Variants in TECR observed in about 807,000 individuals in gnomAD.
TECR encodes the protein trans-2,3-enoyl-CoA reductase, also known as very-long-chain enoyl-CoA reductase.
In TECR, 19 loss-of-function variants were observed where a neutral mutation model predicts 50.6. That is an observed-to-expected ratio of 0.38 (90% CI 0.26 to 0.55). The LOEUF (loss-of-function observed/expected upper bound fraction) is 0.55. TECR is among the 20% of genes least tolerant of loss of function. The probability of loss-of-function intolerance (pLI) is 0.79; values close to 1 mark genes in which losing one functional copy is unlikely to be tolerated. For synonymous variants in TECR, 168 were observed against 163.5 expected (o/e 1.03, Z -0.21); for missense variants, 313 against 408.3 (o/e 0.77, Z 2.01).
At chr19:14,553,444 C>T (rs2073609135) in intron 1 of TECR, among the ~76,000 whole-genome samples, 2 of 152,100 alleles carry the variant, frequency 1.3e-5, no homozygotes, top group Non-Finnish European at 2.9e-5. Context: ...TGTGGCGCCT[C>T]GGGGAGGCTG....
chr19:14,565,040 C>T, intron 9 of TECR, 26 bp from the exon 10 acceptor site: 5 of 1,613,880 alleles, frequency 3.1e-6, no homozygotes, highest in Non-Finnish European at 4.2e-6. Context: ...CTGGGCGGCC[C>T]TAGGCTGATC....
chr19:14,560,464 G>T (rs566608024), intron 1 of TECR, among the ~76,000 whole-genome samples: 1 of 152,324 alleles, frequency 6.6e-6, no homozygotes, highest in East Asian at 1.9e-4. Context: ...CCAGGGCCCT[G>T]CTGTGCTAAC....
intron 1 of TECR, among the ~76,000 whole-genome samples, chr19:14,552,990 G>T (rs2073589125): frequency 6.6e-6 from 1 of 152,064 alleles, no homozygotes; most frequent in Non-Finnish European, 1.5e-5. Flanking sequence ...GGCCCTGAGG[G>T]CACAACCGCA....
At chr19:14,557,328 A>C (rs944099533) in intron 1 of TECR, among the ~76,000 whole-genome samples, 2 of 150,370 alleles carry the variant, frequency 1.3e-5, no homozygotes, top group African/African-American at 4.9e-5. Flanking sequence ...TTTATTAGAG[A>C]CGGGGTTTCA....
At chr19:14,553,274 TCGGA>T (rs1329579639) in intron 1 of TECR, among the ~76,000 whole-genome samples, 1 of 152,142 alleles carries the variant, frequency 6.6e-6, no homozygotes, top group East Asian at 1.9e-4. Flanking sequence ...GGCCCTGGCC[TCGGA>T]TCCGAGAGCC....
chr19:14,553,724 G>A (rs972826078), intron 1 of TECR, among the ~76,000 whole-genome samples: 4 of 152,162 alleles, frequency 2.6e-5, no homozygotes, highest in East Asian at 1.9e-4. Context: ...TGATGGGGGC[G>A]AGGTGGCCGG....
intron 1 of TECR, 72 bp downstream of exon 1, chr19:14,529,783 G>A: frequency 1.2e-6 from 2 of 1,607,438 alleles, no homozygotes; most frequent in Non-Finnish European, 1.7e-6. Flanking sequence ...GGGACCACGG[G>A]ACCCCACTTT....
upstream of TECR, chr19:14,529,449 C>G: frequency 1.6e-6 from 1 of 635,048 alleles, no homozygotes; most frequent in Non-Finnish European, 2.9e-6. Flanking sequence ...ATTGGTCTCG[C>G]AAGTTGATTG....
Position 14,565,968 on chromosome 19 carries a change from T to C in TECR, c.*97T>C. 1.9e-6 allele frequency: 3 copies of C among 1,552,238 alleles called. No individual in the cohort carries two copies. Among genetic ancestry groups the C allele is most frequent in the Non-Finnish European group, 2.6e-6 (3 of 1,149,420 alleles). ...TCCAGCACCCGGAATAAAGCCCGCC[T>C]GCCCCAGTCGGACTCGGGCTCTGTG... On this transcript the variant is annotated 3_prime_UTR_variant, in exon 13 of 13. Transcript: ENST00000215567.
At chr19:14,553,530 G>A (rs773365860) in intron 1 of TECR, among the ~76,000 whole-genome samples, 14 of 152,156 alleles carry the variant, frequency 9.2e-5, no homozygotes, top group Non-Finnish European at 2.1e-4. Context: ...ATTTCTGGCC[G>A]AGCAGGTGTG....
intron 1 of TECR, among the ~76,000 whole-genome samples, chr19:14,554,906 G>A (rs1249555975): frequency 2.6e-5 from 4 of 151,906 alleles, no homozygotes; most frequent in Non-Finnish European, 5.9e-5. Flanking sequence ...AGCCTCCTGA[G>A]TAGCTGGGAC....
chr19:14,534,458 C>T lies in TECR; in HGVS notation c.15+4747C>T, dbSNP rs565293310. Among the ~76,000 whole-genome samples the T allele has an allele frequency of 8.1e-5, 6 of 73,838 alleles. No homozygotes were observed. The Admixed American group carries it at 1.3e-3, about 16-fold the overall frequency. The allele number at this position is 73,838 out of a possible 152,430, so 48.4% of individuals were successfully genotyped here. On this transcript the variant is annotated intron_variant, in intron 1 of 12. Coordinates refer to ENST00000215567, the MANE Select transcript of TECR (RefSeq NM_138501.6). ...TTTTTTTTTTTTTTTTTTTTTGTGA[C>T]AGAGTCTCGCTCTGTCACCCAGGCT...
At chr19:14,544,273 C>G (rs1230443360) in intron 1 of TECR, among the ~76,000 whole-genome samples, 1 of 152,056 alleles carries the variant, frequency 6.6e-6, no homozygotes, top group Non-Finnish European at 1.5e-5. Context: ...TTGGCACCTT[C>G]TGATAAGGCA....
rs926402926 is a variant in TECR, at chr19:14,563,046, G to A, written c.67-160G>A. On this transcript the variant is annotated intron_variant, in intron 2 of 12. Transcript: ENST00000215567. The surrounding 1 kb of genome is among the most constrained non-coding windows in gnomAD (Gnocchi z 5.3). ...CTGTCACTGCACTGGCAGGGCCCTC[G>A]GTGGTCCTTCCCTGACTGCAGGCAG... is the stretch of plus-strand genomic sequence containing the variant. 1.2e-5 allele frequency: 10 copies of A among 849,526 alleles called. No individual in the cohort carries two copies. Among genetic ancestry groups the A allele is most frequent in the East Asian group, 8.0e-5 (3 of 37,630 alleles). The allele number at this position is 849,526 out of a possible 1,614,324, so 52.6% of individuals were successfully genotyped here.
At chr19:14,544,633 TC>T (rs1345143974) in intron 1 of TECR, among the ~76,000 whole-genome samples, 2 of 120,472 alleles carry the variant, frequency 1.7e-5, no homozygotes, top group African/African-American at 2.9e-5. Context: ...GTTTGGCCAT[TC>T]CTTTTTTTTT....
intron 1 of TECR, among the ~76,000 whole-genome samples, chr19:14,538,747 G>A (rs2072993022): frequency 6.6e-6 from 1 of 151,488 alleles, no homozygotes; most frequent in African/African-American, 2.4e-5. Context: ...TGGCCAGGCT[G>A]GTCTTGAACT....
intron 1 of TECR, among the ~76,000 whole-genome samples, chr19:14,547,104 G>A (rs77383291): frequency 1.4e-5 from 2 of 142,236 alleles, no homozygotes; most frequent in South Asian, 2.1e-4. Context: ...AGAAACCAAC[G>A]TCAAAGCAAA....
rs753329257 is a variant in TECR at position 14,564,949 on chromosome 19, C to A, written c.563C>A (p.Thr188Asn). ...GCTCCCCTCCCTGCTTCCTCTTCAG[C>A]CTACGGAGCTCAGCAGGTGAAACTG... ...YINHPLYTPP[T>N]YGAQQVKLAL... Residue 188 changes from threonine to asparagine, a missense_variant and splice_region_variant, in exon 9 of 13, where the codon ACC becomes AAC. Physicochemically the swap from Thr to Asn is moderately conservative, Grantham distance 65 (BLOSUM62 0). Coordinates refer to ENST00000215567, the MANE Select transcript of TECR (RefSeq NM_138501.6). 6.2e-7 allele frequency: 1 copy of A among 1,614,088 alleles called. No individual in the cohort carries two copies. Among genetic ancestry groups the A allele is most frequent in the Non-Finnish European group, 8.5e-7 (1 of 1,180,030 alleles).
chr19:14,556,413 A>C (rs73521835), intron 1 of TECR, among the ~76,000 whole-genome samples: 101 of 86,632 alleles, frequency 1.2e-3, no homozygotes, highest in East Asian at 2.8e-3. Context: ...TCTCTCAAAA[A>C]AAAAACAAAA....
Sources: gnomAD v4.1 joint callset for allele counts (sites outside exome capture counted in the v4.1 genomes callset) on GRCh38, gnomAD v4.1.1 for gene constraint, Gnocchi (gnomAD v3.1) non-coding constraint, MANE v1.5 for transcripts, NCBI Gene and HGNC (gene_info 2026-07-23, HGNC 2026-07-21) for gene names.